Variants in CLCN2 observed in about 807,000 individuals in gnomAD.
CLCN2 encodes the protein chloride channel protein 2.
In CLCN2, 72 loss-of-function variants were observed where a neutral mutation model predicts 108.3. That is an observed-to-expected ratio of 0.66 (90% CI 0.55 to 0.81). The LOEUF is 0.81. CLCN2 is among the 30% of genes least tolerant of loss of function. The pLI, the probability that CLCN2 is intolerant of heterozygous loss-of-function variation, is 0.00. For missense variants in CLCN2, 1,048 were observed against 1,205.2 expected (o/e 0.87, Z 1.93); for synonymous variants, 471 against 467.1 (o/e 1.01, Z -0.11).
intron 22 of CLCN2, 26 bp from the exon 23 acceptor site, chr3:184,347,047 G>A (rs780755525): frequency 6.3e-7 from 1 of 1,585,592 alleles, no homozygotes; most frequent in East Asian, 2.2e-5. Context: ...AAAAGCGATT[G>A]GACTTGATGG....
Position 184,357,255 on chromosome 3 carries a change from C to T in CLCN2, c.910G>A (p.Ala304Thr). The T allele has an allele frequency of 6.2e-7, 1 of 1,613,984 alleles. No homozygotes were observed. Among genetic ancestry groups the T allele is most frequent in the South Asian group, 1.1e-5 (1 of 91,080 alleles). ...VWNRDEETITALFKTRFRLDF... is the reference protein window; with the variant it reads ...VWNRDEETITTLFKTRFRLDF... ...AGCCGGAATCGGGTTTTGAAGAGGG[C>T]TGTAATAGTCTCTAAAGGGAAGAAC... is the stretch of plus-strand genomic sequence containing the variant. The change falls in exon 9 of 24, where the codon GCC becomes ACC. Residue 304 changes from alanine (A) to threonine (T), a missense_variant. Coordinates refer to ENST00000265593, the MANE Select transcript of CLCN2 (RefSeq NM_004366.6).
intron 13 of CLCN2, 55 bp downstream of exon 13, chr3:184,354,849 G>A (rs1306967243): frequency 3.8e-6 from 6 of 1,573,616 alleles, no homozygotes; most frequent in Non-Finnish European, 4.4e-6. Context: ...GGCTGGGGGG[G>A]TGGCCAGAGG....
At position 184,354,552 on chromosome 3, in the gene CLCN2, C is replaced by T. The variant is rs773800684; in HGVS notation, c.1503G>A (p.Val501=). Residue 501 remains valine (V), a synonymous_variant, in exon 14 of 24, where the codon GTG becomes GTA. Coordinates refer to ENST00000265593, the MANE Select transcript of CLCN2 (RefSeq NM_004366.6). ...GATGGGACCTGAGGCACTCACCGAC[C>T]ACAGCGTAGCCCCCAGGCACAATCC... ...TYRIVPGGYA[V]VGAAALAGAV... is the part of the protein sequence containing the mutation. 8 of 1,612,610 alleles carry T rather than the reference C, an allele frequency of 5.0e-6. No individual in the cohort carries two copies. In the African/African-American group the frequency reaches 9.3e-5, roughly 19 times the overall value.
chr3:184,359,286 A>G, intron 1 of CLCN2, among the ~76,000 whole-genome samples, 155 bp from the exon 2 acceptor site: 1 of 152,194 alleles, frequency 6.6e-6, no homozygotes, highest in African/African-American at 2.4e-5. Flanking sequence ...TGTGGGAACA[A>G]TGCACATTGC....
rs1728124495 is a variant in CLCN2, at chr3:184,351,886, C to T, written c.2415+127G>A. On this transcript the variant is annotated intron_variant, in intron 22 of 23. Transcript: ENST00000265593. ...AAGCAGTATGTCTAAAAAACATCTC[C>T]GCACTGAGCCAACTCCCTTCTCCTC... The T allele has an allele frequency of 5.4e-5, 42 of 779,518 alleles. 2 individuals carry two copies. The highest frequency in any genetic ancestry group is 3.9e-4 in the South Asian group (29 of 73,998). 48.3% of individuals were successfully genotyped at this position (779,518 alleles called of 1,614,324 possible).
intron 1 of CLCN2, among the ~76,000 whole-genome samples, chr3:184,360,836 A>T (rs1374912677): frequency 1.3e-5 from 2 of 152,186 alleles, no homozygotes; most frequent in Admixed American, 6.5e-5. Flanking sequence ...TCCCACACCC[A>T]TTCCTGCTTC....
Position 184,354,656 on chromosome 3 carries a change from C to T in CLCN2, c.1399G>A (p.Ala467Thr). The change falls in exon 14 of 24, where the codon GCA becomes ACA. Residue 467 changes from alanine to threonine, a missense_variant and splice_region_variant. Coordinates refer to ENST00000265593, the MANE Select transcript of CLCN2 (RefSeq NM_004366.6). The stretch of plus-strand genomic sequence containing the variant: ...TCACCCACCAGACGCCCAAATGCTG[C>T]TCCTTCAGGGAGGGGGGTGGGAAGA... ...GAFMPVFVIG[A>T]AFGRLVGESM... 1 of 1,606,632 alleles carries T rather than the reference C, an allele frequency of 6.2e-7. No homozygotes were observed. Among genetic ancestry groups the T allele is most frequent in the Non-Finnish European group, 8.5e-7 (1 of 1,178,408 alleles).
At chr3:184,358,395 C>T (rs1020494306) in intron 3 of CLCN2, 85 bp from the exon 4 acceptor site, 67 of 1,582,998 alleles carry the variant, frequency 4.2e-5, no homozygotes, top group Non-Finnish European at 5.6e-5. Flanking sequence ...GACAGGCTGT[C>T]CCAGGGAGTA....
At chr3:184,347,331 C>T (rs982391187) in intron 22 of CLCN2, 14 of 434,442 alleles carry the variant, frequency 3.2e-5, no homozygotes, top group Admixed American at 6.9e-5. Context: ...ACTGTTCACA[C>T]GTGAAATCTA....
rs61729157 is a variant in CLCN2 at position 184,346,944 on chromosome 3, A to C, written c.2493T>G (p.Thr831=). ...TSIGRLIGIV[T]LKELRKAIEG... is the part of the protein sequence containing the mutation. ...GCCACCATCACCTCACCTCCTTTAG[A>C]GTAACGATTCCAATGAGTCTGCCAA... The change falls in exon 23 of 24, where the codon ACT becomes ACG. Residue 831 remains threonine (T), a synonymous_variant. Transcript: ENST00000265593. The surrounding 1 kb of genome is among the most constrained non-coding windows in gnomAD (Gnocchi z 6.0). The C allele has an allele frequency of 6.2e-7, 1 of 1,613,932 alleles. No individual in the cohort carries two copies.
At chr3:184,351,985 C>T (rs1297447204) in intron 22 of CLCN2, 28 bp downstream of exon 22, 1 of 1,544,882 alleles carries the variant, frequency 6.5e-7, no homozygotes, top group African/African-American at 1.4e-5. Flanking sequence ...GAGCCTAGAC[C>T]AGCCCTGGGC....
At chr3:184,352,157 T>TTAGGGAGAAG (rs773003511) in intron 21 of CLCN2, 40 bp from the exon 22 acceptor site, 10 of 1,593,392 alleles carry the variant, frequency 6.3e-6, no homozygotes, top group Non-Finnish European at 7.7e-6. Context: ...AGAAGGTGCC[T>TTAGGGAGAAG]GTAGCTGACC....
chr3:184,361,279 A>C lies in CLCN2; in HGVS notation c.63+138T>G. The stretch of plus-strand genomic sequence containing the variant: ...TCCATCCCTTCGGCCCTGCAGCCTC[A>C]GACTTCCAAGCCTCAGTTTCCCCAG... On this transcript the variant is annotated intron_variant, in intron 1 of 23. Coordinates refer to ENST00000265593, the MANE Select transcript of CLCN2 (RefSeq NM_004366.6). This position sits in a 1 kb window ranked among gnomAD's most constrained non-coding sequence, Gnocchi z 6.6. 1.0e-6 allele frequency: 1 copy of C among 955,088 alleles called. No homozygotes were observed. The highest frequency in any genetic ancestry group is 1.7e-6 in the Non-Finnish European group (1 of 599,838). 59.2% of individuals were successfully genotyped at this position (955,088 alleles called of 1,614,324 possible).
chr3:184,352,387 G>C, intron 20 of CLCN2, 56 bp from the exon 21 acceptor site: 5 of 1,613,182 alleles, frequency 3.1e-6, no homozygotes, highest in Non-Finnish European at 4.2e-6. Flanking sequence ...ATCCAGCCTA[G>C]ACCCTGCCCT....
At chr3:184,354,501 C>A in intron 14 of CLCN2, 47 bp downstream of exon 14, 1 of 1,116,548 alleles carries the variant, frequency 9.0e-7, no homozygotes. Flanking sequence ...GTGGCTGGGG[C>A]GTGGGTGGGG....
Position 184,355,418 on chromosome 3 carries a change from G to A in CLCN2, c.1282C>T (p.Arg428Cys). ...PSTSQAWNPPRANVFLTLVIF... is the reference protein window; with the variant it reads ...PSTSQAWNPPCANVFLTLVIF... The stretch of plus-strand genomic sequence containing the variant: ...ACCAGGGTGAGGAAGACGTTGGCAC[G>A]TGGTGGGTTCCAGGCCTGTGAGGTG... Residue 428 changes from arginine (R) to cysteine (C), a missense_variant, in exon 12 of 24, where the codon CGT becomes TGT. By Grantham distance (180) the Arg-to-Cys change is radical. Transcript: ENST00000265593. This position sits in a 1 kb window ranked among gnomAD's most constrained non-coding sequence, Gnocchi z 6.3. 3 of 1,613,968 alleles carry A rather than the reference G, an allele frequency of 1.9e-6. No homozygotes were observed. The highest frequency in any genetic ancestry group is 2.5e-6 in the Non-Finnish European group (3 of 1,180,008).
chr3:184,361,056 GGCGT>G lies in CLCN2; in HGVS notation c.63+357_63+360del. Reference sequence around the variant, plus strand: ...GAATGTCTTGGGTGGTGGAGATAGTGGCGTAGAGAAAGTTCAATGGTGTGAATGG... The same window carrying G: ...GAATGTCTTGGGTGGTGGAGATAGTGAGAGAAAGTTCAATGGTGTGAATGG... On this transcript the variant is annotated intron_variant, in intron 1 of 23. Coordinates refer to ENST00000265593, the MANE Select transcript of CLCN2 (RefSeq NM_004366.6). The surrounding 1 kb of genome is among the most constrained non-coding windows in gnomAD (Gnocchi z 6.6). Among the ~76,000 whole-genome samples the G allele has an allele frequency of 6.6e-6, 1 of 152,232 alleles. No individual in the cohort carries two copies. Among genetic ancestry groups the G allele is most frequent in the Admixed American group, 6.5e-5 (1 of 15,286 alleles).
chr3:184,354,461 C>T, intron 14 of CLCN2, 87 bp downstream of exon 14: 1 of 1,362,932 alleles, frequency 7.3e-7, no homozygotes, highest in Non-Finnish European at 1.0e-6. Context: ...CTGGTTTCTG[C>T]CAGCAGGGGG....
rs77317531 is a variant in CLCN2 at position 184,346,785 on chromosome 3, C to T, written c.2518G>A (p.Glu840Lys). 43 of 1,614,026 alleles carry T rather than the reference C, an allele frequency of 2.7e-5. No homozygotes were observed. The highest frequency in any genetic ancestry group is 1.8e-4 in the East Asian group (8 of 44,872). ...VTLKELRKAI[E>K]GSVTAQGVKV... is the part of the protein sequence containing the mutation. Reference sequence around the variant, plus strand: ...ACACCCTGTGCTGTGACAGAGCCCTCGATGGCCTTCCGGAGCTGGAAAGGT... The same window carrying T: ...ACACCCTGTGCTGTGACAGAGCCCTTGATGGCCTTCCGGAGCTGGAAAGGT... The change falls in exon 24 of 24, where the codon GAG becomes AAG. Residue 840 changes from glutamate to lysine, a missense_variant. By Grantham distance (56) the Glu-to-Lys change is moderately conservative. Coordinates refer to ENST00000265593, the MANE Select transcript of CLCN2 (RefSeq NM_004366.6). The surrounding 1 kb of genome is among the most constrained non-coding windows in gnomAD (Gnocchi z 6.0).
Sources: gnomAD v4.1 joint callset for allele counts (sites outside exome capture counted in the v4.1 genomes callset) on GRCh38, gnomAD v4.1.1 for gene constraint, Gnocchi (gnomAD v3.1) non-coding constraint, MANE v1.5 for transcripts, NCBI Gene and HGNC (gene_info 2026-07-23, HGNC 2026-07-21) for gene names.